Variants in LRBA observed in about 807,000 individuals in gnomAD.
The protein encoded by LRBA is LPS responsive beige-like anchor protein.
In LRBA, 176 loss-of-function variants were observed where a neutral mutation model predicts 330.0. The ratio of observed to expected loss-of-function variants is 0.53; its 90% confidence interval spans 0.47 to 0.60. LRBA has a LOEUF of 0.60. Ranked by LOEUF, LRBA falls within the 20% of genes least tolerant of loss-of-function variation. The probability of loss-of-function intolerance (pLI) is 0.00; values close to 1 mark genes in which losing one functional copy is unlikely to be tolerated. For synonymous variants in LRBA, 1,230 were observed against 1,193.0 expected, an observed-to-expected ratio of 1.03 and a Z score of -0.64; for missense variants, 3,259 against 3,444.8, an observed-to-expected ratio of 0.95 and a Z score of 1.35.
At chr4:150,369,475 C>G (rs1739943259) in intron 47 of LRBA, among the ~76,000 whole-genome samples, 1 of 151,918 alleles carries the variant, frequency 6.6e-6, no homozygotes, top group African/African-American at 2.4e-5. Context: ...TGTGGTGGCT[C>G]TAATGGTTCA....
chr4:150,731,236 C>T (rs1730416987), intron 36 of LRBA, among the ~76,000 whole-genome samples: 2 of 152,056 alleles, frequency 1.3e-5, no homozygotes, highest in South Asian at 4.2e-4. Flanking sequence ...GTCTGGAGGT[C>T]CCTCAGAAAA....
chr4:150,873,539 G>A (rs954365562), intron 17 of LRBA, among the ~76,000 whole-genome samples: 1 of 151,606 alleles, frequency 6.6e-6, no homozygotes, highest in African/African-American at 2.4e-5. Context: ...GCAGGGAGCC[G>A]AGATCATGCC....
intron 44 of LRBA, among the ~76,000 whole-genome samples, chr4:150,458,157 A>T (rs1020469425): frequency 6.6e-6 from 1 of 151,958 alleles, no homozygotes; most frequent in Non-Finnish European, 1.5e-5. Context: ...TAACTTCTAC[A>T]GAAAACCAAA....
intron 44 of LRBA, among the ~76,000 whole-genome samples, chr4:150,443,334 C>A (rs890927256): frequency 3.9e-5 from 6 of 152,190 alleles, no homozygotes; most frequent in African/African-American, 1.2e-4. Context: ...TTGACCCAGC[C>A]ATCCCATTAC....
At chr4:150,668,639 A>T (rs1419514382) in intron 37 of LRBA, among the ~76,000 whole-genome samples, 1 of 152,244 alleles carries the variant, frequency 6.6e-6, no homozygotes, top group Non-Finnish European at 1.5e-5. Flanking sequence ...TTTATTGTGT[A>T]CAATTCACAG....
intron 36 of LRBA, among the ~76,000 whole-genome samples, chr4:150,685,432 T>TAC (rs1783523270): frequency 2.1e-5 from 1 of 47,296 alleles, no homozygotes; most frequent in African/African-American, 8.3e-5. Context: ...TTTTTTTTTT[T>TAC]TTTTTTTTTT....
intron 2 of LRBA, among the ~76,000 whole-genome samples, chr4:150,961,714 A>T (rs1319293064): frequency 8.0e-5 from 5 of 62,826 alleles, no homozygotes; most frequent in Non-Finnish European, 3.2e-4. Context: ...CAGAGATTAA[A>T]ACATAATATG....
At chr4:150,829,385 A>G (rs1045036413) in intron 29 of LRBA, among the ~76,000 whole-genome samples, 5 of 152,108 alleles carry the variant, frequency 3.3e-5, no homozygotes, top group South Asian at 2.1e-4. Flanking sequence ...TCTCTCTTTT[A>G]ATTCTCACTC....
chr4:150,797,751 G>A (rs888392166), intron 34 of LRBA, among the ~76,000 whole-genome samples: 2 of 152,038 alleles, frequency 1.3e-5, no homozygotes, highest in South Asian at 4.1e-4. Flanking sequence ...AGTGGAGTCA[G>A]CGTGGCACTC....
At chr4:150,735,647 A>G (rs931920766) in intron 35 of LRBA, among the ~76,000 whole-genome samples, 2 of 152,228 alleles carry the variant, frequency 1.3e-5, no homozygotes, top group African/African-American at 4.8e-5. Context: ...AATGCACTGG[A>G]AAGTTACCAA....
At chr4:150,418,020 T>G (rs772617397) in intron 46 of LRBA, among the ~76,000 whole-genome samples, 1 of 137,654 alleles carries the variant, frequency 7.3e-6, no homozygotes, top group Non-Finnish European at 1.6e-5. Flanking sequence ...TGGTTTTTTG[T>G]TTTTTTTTTT....
chr4:150,285,001 G>A (rs533495314), intron 54 of LRBA, among the ~76,000 whole-genome samples: 6 of 152,254 alleles, frequency 3.9e-5, no homozygotes, highest in African/African-American at 4.8e-5. Flanking sequence ...GGCTCAGGAC[G>A]TATGAAATTA....
chr4:150,347,315 G>A (rs1393549307), intron 48 of LRBA, among the ~76,000 whole-genome samples: 2 of 152,118 alleles, frequency 1.3e-5, no homozygotes, highest in Non-Finnish European at 2.9e-5. Context: ...GTACAAGAAT[G>A]TCAATGTTCT....
chr4:150,278,188 AG>A (rs1210212115), intron 55 of LRBA, among the ~76,000 whole-genome samples, 184 bp from the exon 56 acceptor site: 6 of 152,208 alleles, frequency 3.9e-5, no homozygotes, highest in Non-Finnish European at 5.9e-5. Flanking sequence ...AAATGGACAA[AG>A]TTCATCAATG....
chr4:150,273,328 G>A (rs1746372624), intron 56 of LRBA, among the ~76,000 whole-genome samples: 1 of 152,100 alleles, frequency 6.6e-6, no homozygotes, highest in South Asian at 2.1e-4. Flanking sequence ...ACATGGAAAG[G>A]AACAACCGGT....
At chr4:150,468,709 A>G (rs1253172869) in intron 43 of LRBA, among the ~76,000 whole-genome samples, 1 of 152,010 alleles carries the variant, frequency 6.6e-6, no homozygotes, top group Non-Finnish European at 1.5e-5. Context: ...TTCTTATTAT[A>G]TATTCTATCA....
intron 40 of LRBA, among the ~76,000 whole-genome samples, chr4:150,512,035 C>G (rs889902168): frequency 6.6e-6 from 1 of 152,214 alleles, no homozygotes; most frequent in African/African-American, 2.4e-5. Flanking sequence ...AATTCCAGTG[C>G]TACTGGTACA....
chr4:150,581,487 G>A, intron 40 of LRBA: 1 of 279,200 alleles, frequency 3.6e-6, no homozygotes, highest in Non-Finnish European at 7.2e-6. Flanking sequence ...TTGCCTTCAA[G>A]CCAAAGTAAT....
intron 55 of LRBA, among the ~76,000 whole-genome samples, chr4:150,280,337 G>A (rs978866203): frequency 2.6e-5 from 4 of 152,148 alleles, no homozygotes; most frequent in Non-Finnish European, 4.4e-5. Context: ...GTGGCTGCAC[G>A]GGTTTTAAGG....
Sources: gnomAD v4.1 joint callset for allele counts (sites outside exome capture counted in the v4.1 genomes callset) on GRCh38, gnomAD v4.1.1 for gene constraint, MANE v1.5 for transcripts, NCBI Gene and HGNC (gene_info 2026-07-23, HGNC 2026-07-21) for gene names.